The following SCFD2 variants were observed in gnomAD, a reference collection of about 807,000 sequenced individuals.
SCFD2 encodes the protein sec1 family domain-containing protein 2.
SCFD2 carries 54 observed loss-of-function variants against 58.9 expected under a neutral mutation model. That is an observed-to-expected ratio of 0.92 (90% confidence interval 0.74 to 1.15). The LOEUF is 1.15. Among genes scored for constraint, SCFD2 ranks in the 50% most tolerant of loss-of-function variants. The pLI, the probability that SCFD2 is intolerant of heterozygous loss-of-function variation, is 0.00. For synonymous variants in SCFD2, 321 were observed against 335.9 expected (o/e 0.96, Z 0.49); for missense variants, 805 against 836.6 (o/e 0.96, Z 0.47).
intron 5 of SCFD2, among the ~76,000 whole-genome samples, chr4:53,028,467 T>C (rs1244218922): frequency 6.6e-6 from 1 of 152,204 alleles, no homozygotes; most frequent in African/African-American, 2.4e-5. Flanking sequence ...CTCTCTCCCA[T>C]GGATATATGT....
At position 53,093,697 on chromosome 4, in the gene SCFD2, T is replaced by C. The variant is rs77616849; in HGVS notation, c.1561+51636A>G. Reference sequence around the variant, plus strand: ...TATAAAACAGTCTCCAAGATATATATTAAATGAAAAACCAAGGCAGATTTC... The same window carrying C: ...TATAAAACAGTCTCCAAGATATATACTAAATGAAAAACCAAGGCAGATTTC... On this transcript the variant is annotated intron_variant, in intron 5 of 8. Coordinates refer to ENST00000401642, the MANE Select transcript of SCFD2 (RefSeq NM_152540.4). Among the ~76,000 whole-genome samples the C allele has an allele frequency of 2.9e-3, 442 of 152,166 alleles. 2 individuals carry two copies. The highest frequency in any genetic ancestry group is 6.8e-3 in the Middle Eastern group (2 of 294).
chr4:53,152,571 G>T (rs1487796697), intron 4 of SCFD2, among the ~76,000 whole-genome samples: 2 of 151,990 alleles, frequency 1.3e-5, no homozygotes, highest in Non-Finnish European at 2.9e-5. Flanking sequence ...AGATTTGGAG[G>T]GGGCAAATAT....
chr4:53,135,189 A>G (rs935564061), intron 5 of SCFD2, among the ~76,000 whole-genome samples: 2 of 152,214 alleles, frequency 1.3e-5, no homozygotes, highest in African/African-American at 4.8e-5. Context: ...TAGATTTCTA[A>G]TAATTTCTAG....
intron 4 of SCFD2, among the ~76,000 whole-genome samples, chr4:53,179,450 C>T (rs544427939): frequency 6.6e-6 from 1 of 152,284 alleles, no homozygotes; most frequent in Admixed American, 6.5e-5. Flanking sequence ...CAAGCAAATG[C>T]TGAGAGATTT....
chr4:53,153,485 A>C (rs1476482873), intron 4 of SCFD2, among the ~76,000 whole-genome samples: 1 of 152,228 alleles, frequency 6.6e-6, no homozygotes, highest in Non-Finnish European at 1.5e-5. Context: ...TGCATAGGGC[A>C]GTGGGGCCTC....
chr4:53,348,233 C>G (rs1435853591), intron 2 of SCFD2, among the ~76,000 whole-genome samples: 2 of 152,166 alleles, frequency 1.3e-5, no homozygotes, highest in Non-Finnish European at 2.9e-5. Context: ...CTATAAACAG[C>G]CTTTTATAAA....
chr4:53,170,296 T>C (rs980570476), intron 4 of SCFD2, among the ~76,000 whole-genome samples: 50 of 152,210 alleles, frequency 3.3e-4, no homozygotes, highest in African/African-American at 1.1e-3. Context: ...ACCATCCTTT[T>C]TCCCACTGTG....
At chr4:53,181,634 T>C (rs1015237804) in intron 4 of SCFD2, among the ~76,000 whole-genome samples, 19 of 152,118 alleles carry the variant, frequency 1.2e-4, no homozygotes, top group Admixed American at 1.2e-3. Context: ...CTGTTCAATA[T>C]AGTGTTGGAA....
intron 7 of SCFD2, among the ~76,000 whole-genome samples, chr4:52,892,576 T>C (rs1231082655): frequency 6.6e-6 from 1 of 152,200 alleles, no homozygotes; most frequent in Non-Finnish European, 1.5e-5. Context: ...CAATATATGA[T>C]GGCATTTCAT....
chr4:53,218,828 T>C (rs533571992), intron 4 of SCFD2, among the ~76,000 whole-genome samples: 1 of 152,328 alleles, frequency 6.6e-6, no homozygotes, highest in Admixed American at 6.5e-5. Context: ...TTGGTGTGGA[T>C]GTCCTTTCTG....
At chr4:53,175,490 T>C (rs781624640) in intron 4 of SCFD2, among the ~76,000 whole-genome samples, 1 of 152,208 alleles carries the variant, frequency 6.6e-6, no homozygotes, top group Non-Finnish European at 1.5e-5. Flanking sequence ...TTCATTTCTT[T>C]AGCATTCATT....
At chr4:53,093,855 A>G (rs956906541) in intron 5 of SCFD2, among the ~76,000 whole-genome samples, 6 of 147,196 alleles carry the variant, frequency 4.1e-5, no homozygotes, top group Non-Finnish European at 9.0e-5. Flanking sequence ...AGCAGGGTGA[A>G]GGGGCTAGGG....
intron 5 of SCFD2, among the ~76,000 whole-genome samples, chr4:53,129,569 A>G (rs544083952): frequency 1.3e-5 from 2 of 152,234 alleles, no homozygotes; most frequent in East Asian, 3.9e-4. Flanking sequence ...CTCTTTCAAT[A>G]TTTTTTTGCT....
chr4:53,181,080 G>C (rs1224192217), intron 4 of SCFD2, among the ~76,000 whole-genome samples: 4 of 152,162 alleles, frequency 2.6e-5, no homozygotes, highest in Non-Finnish European at 5.9e-5. Flanking sequence ...GAGGTACAAA[G>C]AGGACCTGGT....
At chr4:53,307,892 A>G (rs1240567943) in intron 3 of SCFD2, among the ~76,000 whole-genome samples, 1 of 152,090 alleles carries the variant, frequency 6.6e-6, no homozygotes, top group Non-Finnish European at 1.5e-5. Context: ...GCAGAAGGAA[A>G]GTCCACAGAA....
chr4:52,915,869 A>G (rs1238866107), intron 6 of SCFD2, among the ~76,000 whole-genome samples: 1 of 152,220 alleles, frequency 6.6e-6, no homozygotes, highest in African/African-American at 2.4e-5. Context: ...TTGGAAAAGA[A>G]CAACTGGAGG....
intron 5 of SCFD2, among the ~76,000 whole-genome samples, chr4:53,062,926 T>C (rs1402482091): frequency 1.3e-5 from 2 of 152,152 alleles, no homozygotes; most frequent in African/African-American, 4.8e-5. Context: ...ACCCATATAA[T>C]TTAATAGGTG....
intron 2 of SCFD2, among the ~76,000 whole-genome samples, chr4:53,331,844 C>T (rs1378261962): frequency 1.2e-3 from 180 of 151,906 alleles, no homozygotes; most frequent in Middle Eastern, 3.4e-3. Flanking sequence ...ATTGATAGAC[C>T]GCTAGCAAGA....
rs1038055140 is a variant in SCFD2 at position 53,079,315 on chromosome 4, C to T, written c.1561+66018G>A. ...ACTCAGGCCCTTGAAAGACAGTGCC[C>T]ACTCCCACTGGTGAGGGCGATTACA... On this transcript the variant is annotated intron_variant, in intron 5 of 8. Coordinates refer to ENST00000401642, the MANE Select transcript of SCFD2 (RefSeq NM_152540.4). Among the ~76,000 whole-genome samples the T allele has an allele frequency of 3.3e-5, 5 of 152,242 alleles. 1 individual carries two copies. Among genetic ancestry groups the T allele is most frequent in the East Asian group, 3.9e-4 (2 of 5,174 alleles).
Sources: gnomAD v4.1 joint callset for allele counts (sites outside exome capture counted in the v4.1 genomes callset) on GRCh38, gnomAD v4.1.1 for gene constraint, MANE v1.5 for transcripts, NCBI Gene and HGNC (gene_info 2026-07-23, HGNC 2026-07-21) for gene names.